GFER: variants seen among roughly 807,000 people sequenced by gnomAD.
GFER encodes the protein growth factor, augmenter of liver regeneration.
GFER carries 24 observed loss-of-function variants against 18.2 expected under a neutral mutation model. The observed-to-expected ratio is 1.32, with a 90% confidence interval of 0.96 to 1.86. The LOEUF (loss-of-function observed/expected upper bound fraction) is 1.86, where lower values mean the gene tolerates loss of function less well. GFER is among the 40% of genes most tolerant of loss of function. The pLI, the probability that GFER is intolerant of heterozygous loss-of-function variation, is 0.00. For synonymous variants in GFER, 138 were observed against 126.9 expected, an observed-to-expected ratio of 1.09 and a Z score of -0.59; for missense variants, 316 against 295.6, an observed-to-expected ratio of 1.07 and a Z score of -0.51.
intron 2 of GFER, 32 bp from the exon 3 acceptor site, chr16:1,985,834 C>T (rs747593583): frequency 8.7e-6 from 14 of 1,601,552 alleles, no homozygotes; most frequent in Non-Finnish European, 1.0e-5. Flanking sequence ...GCCGCTGCGT[C>T]CTCTCATTCT....
Position 1,984,299 on chromosome 16 carries a change from G to C in GFER, c.81G>C (p.Met27Ile), listed in dbSNP as rs2083548388. The C allele has an allele frequency of 1.3e-6, 2 of 1,483,874 alleles. No homozygotes were observed. The highest frequency in any genetic ancestry group is 2.6e-5 in the South Asian group (2 of 78,150). The allele number at this position is 1,483,874 out of a possible 1,614,324, so 91.9% of individuals were successfully genotyped here. The stretch of plus-strand genomic sequence containing the variant: ...CGGGGGGCGCGCGCTCCGAGATGAT[G>C]GACGACCTGGCGACCGACGCGCGGG... ...FLPGGARSEMMDDLATDARGR... is the reference protein window; with the variant it reads ...FLPGGARSEMIDDLATDARGR... Residue 27 changes from methionine to isoleucine, a missense_variant, in exon 1 of 3, where the codon ATG becomes ATC. Transcript: ENST00000248114.
chr16:1,985,093 G>T, intron 2 of GFER, 150 bp downstream of exon 2: 2 of 701,364 alleles, frequency 2.9e-6, no homozygotes, highest in South Asian at 3.0e-5. Context: ...GAGGACTGGG[G>T]CTATCTGAGC....
intron 2 of GFER, 85 bp from the exon 3 acceptor site, chr16:1,985,781 C>T: frequency 1.6e-6 from 2 of 1,266,964 alleles, no homozygotes; most frequent in South Asian, 1.2e-5. Flanking sequence ...TGCCCCAGCT[C>T]TCCTTCCTTG....
Position 1,984,830 on chromosome 16 carries a change from C to T in GFER, c.342C>T (p.Ala114=), listed in dbSNP as rs2083554741. The T allele has an allele frequency of 2.5e-6, 4 of 1,613,382 alleles. No individual in the cohort carries two copies. The highest frequency in any genetic ancestry group is 1.1e-5 in the South Asian group (1 of 91,086). ...RHSWAVLHTL[A]AYYPDLPTPE... is the part of the protein sequence containing the mutation. ...GCTGGGCTGTCCTCCACACCCTGGC[C>T]GCCTACTACCCCGACCTGCCCACCC... The change falls in exon 2 of 3, where the codon GCC becomes GCT. Residue 114 remains alanine, a synonymous_variant. Coordinates refer to ENST00000248114, the MANE Select transcript of GFER (RefSeq NM_005262.3).
intron 2 of GFER, among the ~76,000 whole-genome samples, chr16:1,985,450 C>T (rs1330659307): frequency 6.6e-6 from 1 of 152,198 alleles, no homozygotes; most frequent in Non-Finnish European, 1.5e-5. Flanking sequence ...GCTGAACTGA[C>T]GCACCAGGGC....
rs1189758959 is a variant in GFER at position 1,984,466 on chromosome 16, C to A, written c.248C>A (p.Thr83Lys). The A allele has an allele frequency of 6.4e-7, 1 of 1,558,842 alleles. No individual in the cohort carries two copies. Among genetic ancestry groups the A allele is most frequent in the Middle Eastern group, 1.9e-4 (1 of 5,322 alleles). The change falls in exon 1 of 3, where the codon ACG becomes AAG. Residue 83 changes from threonine (T) to lysine (K), a missense_variant. Coordinates refer to ENST00000248114, the MANE Select transcript of GFER (RefSeq NM_005262.3). Reference protein sequence around the residue: ...ACVDFKTWMRTQQKRDTKFRE... With the variant: ...ACVDFKTWMRKQQKRDTKFRE... ...GTCGACTTCAAGACGTGGATGCGGA[C>A]GCAGCAGAAGGTGCAGTTCCCTGCC...
At position 1,984,313 on chromosome 16, in the gene GFER, C is replaced by A; in HGVS notation, c.95C>A (p.Thr32Asn). 6.7e-7 allele frequency: 1 copy of A among 1,482,624 alleles called. No individual in the cohort carries two copies. Among genetic ancestry groups the A allele is most frequent in the Non-Finnish European group, 8.9e-7 (1 of 1,124,338 alleles). The allele number at this position is 1,482,624 out of a possible 1,614,324, so 91.8% of individuals were successfully genotyped here. Residue 32 changes from threonine to asparagine, a missense_variant, in exon 1 of 3, where the codon ACC (threonine) becomes AAC (asparagine). Coordinates refer to ENST00000248114, the MANE Select transcript of GFER (RefSeq NM_005262.3). ...TCCGAGATGATGGACGACCTGGCGA[C>A]CGACGCGCGGGGCCGGGGCGCGGGG... Reference protein sequence around the residue: ...ARSEMMDDLATDARGRGAGRR... With the variant: ...ARSEMMDDLANDARGRGAGRR...
At position 1,986,898 on chromosome 16, in the gene GFER, T is replaced by C. The variant is rs528428688; in HGVS notation, c.*870T>C. On this transcript the variant is annotated 3_prime_UTR_variant, in exon 3 of 3. Transcript: ENST00000248114. ...TACTGGGAGGCCAGACGGCACGAGG[T>C]CTCCAAGGCCCCAGCAAAGCCATGG... The C allele has an allele frequency of 6.6e-6, 1 of 151,992 alleles. No individual in the cohort carries two copies. Among genetic ancestry groups the C allele is most frequent in the South Asian group, 2.1e-4 (1 of 4,798 alleles). The allele number at this position is 151,992 out of a possible 1,614,324, so 9.4% of individuals were successfully genotyped here. A position where few individuals can be genotyped will look rare whatever the true frequency, so the allele number is the denominator to read the frequency against.
At position 1,985,861 on chromosome 16, in the gene GFER, C is replaced by T. The variant is rs767955242; in HGVS notation, c.456-5C>T. ...TCTCATTCTTTACCTGCTCTCCCTA[C>T]ACAGGCTGTGCAGGAACCACCCAGA... On this transcript the variant is annotated splice_region_variant and splice_polypyrimidine_tract_variant and intron_variant, in intron 2 of 2. Coordinates refer to ENST00000248114, the MANE Select transcript of GFER (RefSeq NM_005262.3). 1.5e-5 allele frequency: 24 copies of T among 1,610,972 alleles called. No homozygotes were observed. In the African/African-American group the frequency reaches 2.8e-4, roughly 19 times the overall value.
chr16:1,984,195 C>G lies in GFER; in HGVS notation c.-24C>G. On this transcript the variant is annotated 5_prime_UTR_variant, in exon 1 of 3. Coordinates refer to ENST00000248114, the MANE Select transcript of GFER (RefSeq NM_005262.3). ...GAGGCTCATCTGGAGGCCGAGCTGA[C>G]CCGGCAGGCCTTGCGCGGGCAACAT... is the stretch of plus-strand genomic sequence containing the variant. 1 of 1,463,408 alleles carries G rather than the reference C, an allele frequency of 6.8e-7. No individual in the cohort carries two copies. Among genetic ancestry groups the G allele is most frequent in the Non-Finnish European group, 9.0e-7 (1 of 1,113,052 alleles). The allele number at this position is 1,463,408 out of a possible 1,614,324, so 90.7% of individuals were successfully genotyped here.
At chr16:1,985,044 T>A (rs1225536907) in intron 2 of GFER, 101 bp downstream of exon 2, 1 of 943,422 alleles carries the variant, frequency 1.1e-6, no homozygotes, top group East Asian at 2.5e-5. Flanking sequence ...GATGCAGAGG[T>A]GGCAGAAGTT....
intron 2 of GFER, 137 bp downstream of exon 2, chr16:1,985,080 G>A: frequency 2.8e-6 from 2 of 725,556 alleles, no homozygotes; most frequent in Admixed American, 2.0e-5. Flanking sequence ...ACCTCCAACA[G>A]GTGAGGACTG....
chr16:1,985,086 G>T lies in GFER; in HGVS notation c.455+143G>T. The T allele has an allele frequency of 4.2e-6, 3 of 714,312 alleles. No individual in the cohort carries two copies. In the South Asian group the frequency reaches 4.5e-5, roughly 11 times the overall value. 44.2% of individuals were successfully genotyped at this position (714,312 alleles called of 1,614,324 possible). On this transcript the variant is annotated intron_variant, in intron 2 of 2. Coordinates refer to ENST00000248114, the MANE Select transcript of GFER (RefSeq NM_005262.3). ...GGAGCAGGGACCTCCAACAGGTGAG[G>T]ACTGGGGCTATCTGAGCCTCCTCCT...
At chr16:1,985,735 G>A (rs1023009961) in intron 2 of GFER, 131 bp from the exon 3 acceptor site, 1 of 869,076 alleles carries the variant, frequency 1.2e-6, no homozygotes, top group Non-Finnish European at 1.9e-6. Context: ...CTGTACCTTG[G>A]AGCATAAGGG....
chr16:1,984,571 C>A, intron 1 of GFER, 95 bp downstream of exon 1: 1 of 1,439,496 alleles, frequency 6.9e-7, no homozygotes, highest in Non-Finnish European at 9.5e-7. Flanking sequence ...GTTGCCTGTC[C>A]CTGAACCTTG....
rs1482257231 is a variant in GFER, at chr16:1,987,576, C to T, written c.*1548C>T. Reference sequence around the variant, plus strand: ...GCTTCTCTCTGGCCTTTCCCGAGGCCTGTGAGTGCCTCAGGAAGCAGCTGG... The same window carrying T: ...GCTTCTCTCTGGCCTTTCCCGAGGCTTGTGAGTGCCTCAGGAAGCAGCTGG... On this transcript the variant is annotated 3_prime_UTR_variant, in exon 3 of 3. Transcript: ENST00000248114. The T allele has an allele frequency of 1.3e-5, 2 of 152,198 alleles. No homozygotes were observed. Among genetic ancestry groups the T allele is most frequent in the Non-Finnish European group, 2.9e-5 (2 of 68,050 alleles). The allele number at this position is 152,198 out of a possible 1,614,324, so 9.4% of individuals were successfully genotyped here. A position where few individuals can be genotyped will look rare whatever the true frequency, so the allele number is the denominator to read the frequency against.
At chr16:1,984,643 C>G in intron 1 of GFER, 104 bp from the exon 2 acceptor site, 2 of 1,384,128 alleles carry the variant, frequency 1.4e-6, no homozygotes, top group South Asian at 2.3e-5. Context: ...GTCTGCAGGA[C>G]TTTGGCCGGA....
intron 2 of GFER, chr16:1,985,157 T>G: frequency 1.6e-6 from 1 of 619,728 alleles, no homozygotes. Context: ...TGGGTACTGC[T>G]CCTGCCACAG....
Position 1,984,263 on chromosome 16 carries a change from C to G in GFER, c.45C>G (p.Leu15=). 6.8e-7 allele frequency: 1 copy of G among 1,480,840 alleles called. No individual in the cohort carries two copies. Among genetic ancestry groups the G allele is most frequent in the Non-Finnish European group, 8.9e-7 (1 of 1,123,086 alleles). 91.7% of individuals were successfully genotyped at this position (1,480,840 alleles called of 1,614,324 possible). The change falls in exon 1 of 3, where the codon CTC becomes CTG. Residue 15 remains leucine (L), a synonymous_variant. Transcript: ENST00000248114. ...GERGRFHGGN[L]FFLPGGARSE... ...GGGGCCGCTTCCACGGCGGGAACCT[C>G]TTCTTCCTGCCGGGGGGCGCGCGCT...
Sources: gnomAD v4.1 joint callset for allele counts (sites outside exome capture counted in the v4.1 genomes callset) on GRCh38, gnomAD v4.1.1 for gene constraint, MANE v1.5 for transcripts, NCBI Gene and HGNC (gene_info 2026-07-23, HGNC 2026-07-21) for gene names.